BCL7A: variants seen among roughly 807,000 people sequenced by gnomAD.
The protein encoded by BCL7A is BAF chromatin remodeling complex subunit BCL7A, also known as B-cell CLL/lymphoma 7 protein family member A.
BCL7A carries 11 observed loss-of-function variants against 28.4 expected under a neutral mutation model. That is an observed-to-expected ratio of 0.39 (90% CI 0.24 to 0.64). The LOEUF is 0.64. Among genes scored for constraint, BCL7A ranks in the 30% least tolerant of loss-of-function variants. The pLI is 0.50. For missense variants in BCL7A, 222 were observed against 274.8 expected (o/e 0.81, Z 1.36); for synonymous variants, 123 against 103.3 (o/e 1.19, Z -1.15).
chr12:122,023,765 A>G (rs560625849), intron 1 of BCL7A, among the ~76,000 whole-genome samples: 3 of 152,242 alleles, frequency 2.0e-5, no homozygotes, highest in African/African-American at 4.8e-5. Context: ...CAACACACAC[A>G]CGCTGGAAAA....
At chr12:122,031,299 A>G (rs117655548) in intron 2 of BCL7A, among the ~76,000 whole-genome samples, 1,739 of 151,904 alleles carry the variant, frequency 0.011, 20 homozygotes, top group Middle Eastern at 0.02. Context: ...AAAGTGCTGG[A>G]GTTAAGGCGT....
rs575206680 is a variant in BCL7A, at chr12:122,026,420, G to C, written c.92+4237G>C. Among the ~76,000 whole-genome samples the C allele has an allele frequency of 2.6e-5, 4 of 152,228 alleles. No homozygotes were observed. The East Asian group carries it at 7.7e-4, about 29-fold the overall frequency. ...ATTGTGCCACTGTACTCTAGCCTGG[G>C]TGACAGGGTGAGACCTTGTCTCAAA... is the stretch of plus-strand genomic sequence containing the variant. On this transcript the variant is annotated intron_variant, in intron 1 of 5. Transcript: ENST00000261822.
chr12:122,030,234 C>T (rs1883712870), intron 1 of BCL7A, among the ~76,000 whole-genome samples: 1 of 152,222 alleles, frequency 6.6e-6, no homozygotes, highest in Non-Finnish European at 1.5e-5. Context: ...TCATGCCTCC[C>T]CTGACCTCAG....
At chr12:122,050,306 G>GT (rs1294848548) in intron 4 of BCL7A, among the ~76,000 whole-genome samples, 3 of 56,650 alleles carry the variant, frequency 5.3e-5, no homozygotes, top group African/African-American at 1.3e-4. Flanking sequence ...TGTGGGGGGG[G>GT]GGCCATCCTG....
intron 4 of BCL7A, among the ~76,000 whole-genome samples, chr12:122,045,925 C>A (rs1884067095): frequency 6.6e-6 from 1 of 151,570 alleles, no homozygotes; most frequent in Admixed American, 6.6e-5. Flanking sequence ...CCCGTCTCTA[C>A]AAAAAATATA....
chr12:122,023,415 G>C (rs1257835713), intron 1 of BCL7A, among the ~76,000 whole-genome samples: 1 of 152,126 alleles, frequency 6.6e-6, no homozygotes, highest in Non-Finnish European at 1.5e-5. Flanking sequence ...TTCTCGAGTA[G>C]CGCCTCGGTC....
intron 4 of BCL7A, among the ~76,000 whole-genome samples, chr12:122,049,526 A>G (rs1260943798): frequency 6.6e-6 from 1 of 152,050 alleles, no homozygotes; most frequent in Admixed American, 6.6e-5. Flanking sequence ...TACTAAAAAT[A>G]CAAAAAATAG....
intron 4 of BCL7A, among the ~76,000 whole-genome samples, chr12:122,054,113 T>C (rs1437594708): frequency 6.6e-6 from 1 of 152,140 alleles, no homozygotes; most frequent in Non-Finnish European, 1.5e-5. Context: ...GAGACGGAGT[T>C]TCGCTCTGTC....
chr12:122,030,209 C>T (rs1433335907), intron 1 of BCL7A, among the ~76,000 whole-genome samples: 1 of 152,218 alleles, frequency 6.6e-6, no homozygotes, highest in Admixed American at 6.5e-5. Context: ...GTGGGCGGCT[C>T]CCCGGCTTGC....
chr12:122,029,337 G>A lies in BCL7A; in HGVS notation c.93-1363G>A, dbSNP rs775271554. On this transcript the variant is annotated intron_variant, in intron 1 of 5. Transcript: ENST00000261822. The surrounding 1 kb of genome is among the most constrained non-coding windows in gnomAD (Gnocchi z 4.3). ...TCTGTGGTTTCGGCTGGCTGGGTTT[G>A]AGTATGCTCCGTCATCCCGCAACCC... 6.6e-6 allele frequency among the ~76,000 whole-genome samples: 1 copy of A among 152,230 alleles called. No individual in the cohort carries two copies. Among genetic ancestry groups the A allele is most frequent in the Admixed American group, 6.5e-5 (1 of 15,290 alleles).
At position 122,043,664 on chromosome 12, in the gene BCL7A, C is replaced by T. The variant is rs113470431; in HGVS notation, c.272-222C>T. ...GCAAGTACCTGTAATCCCAGCTACT[C>T]GGGAGGTGGAGGCAGTGAGCCAAGA... On this transcript the variant is annotated intron_variant, in intron 3 of 5. Coordinates refer to ENST00000261822, the MANE Select transcript of BCL7A (RefSeq NM_001024808.3). Among the ~76,000 whole-genome samples the T allele has an allele frequency of 1.3e-4, 19 of 149,650 alleles. No individual in the cohort carries two copies. In the East Asian group the frequency reaches 1.8e-3, roughly 14 times the overall value.
Position 122,034,180 on chromosome 12 carries a change from C to T in BCL7A, c.175-1151C>T, listed in dbSNP as rs1307001748. 1.0e-4 allele frequency among the ~76,000 whole-genome samples: 12 copies of T among 116,160 alleles called. 1 individual carries two copies. Among genetic ancestry groups the T allele is most frequent in the Non-Finnish European group, 2.1e-4 (12 of 56,468 alleles). The allele number at this position is 116,160 out of a possible 152,430, so 76.2% of individuals were successfully genotyped here. On this transcript the variant is annotated intron_variant, in intron 2 of 5. Transcript: ENST00000261822. ...CCACTGGTGGTGAGGCTCACGTATCCTGCATCTTTCATATATATATATATA... is the reference window on the plus strand; with the variant it reads ...CCACTGGTGGTGAGGCTCACGTATCTTGCATCTTTCATATATATATATATA...
chr12:122,023,143 G>T (rs1036392809), intron 1 of BCL7A, among the ~76,000 whole-genome samples: 5 of 152,218 alleles, frequency 3.3e-5, no homozygotes, highest in African/African-American at 2.4e-5. Flanking sequence ...CCTCGTCGGG[G>T]TCTGCTCGGA....
intron 1 of BCL7A, among the ~76,000 whole-genome samples, chr12:122,025,997 C>T (rs1394992193): frequency 6.7e-6 from 1 of 149,722 alleles, no homozygotes; most frequent in South Asian, 2.1e-4. Context: ...AGGCCGGGCA[C>T]GTTGGCTCAC....
chr12:122,043,846 G>A lies in BCL7A; in HGVS notation c.272-40G>A, dbSNP rs371657805. Reference sequence around the variant, plus strand: ...TCTGACCTACCCGTCCTTGGCAGCTGTGGGATTTCATCCTGTGGTTCTGTT... The same window carrying A: ...TCTGACCTACCCGTCCTTGGCAGCTATGGGATTTCATCCTGTGGTTCTGTT... On this transcript the variant is annotated intron_variant, in intron 3 of 5. Transcript: ENST00000261822. 9.0e-6 allele frequency: 14 copies of A among 1,562,930 alleles called. No individual in the cohort carries two copies. The African/African-American group carries it at 1.2e-4, about 14-fold the overall frequency.
At chr12:122,058,084 C>A (rs1406741676) in intron 5 of BCL7A, among the ~76,000 whole-genome samples, 2 of 151,988 alleles carry the variant, frequency 1.3e-5, no homozygotes, top group Non-Finnish European at 2.9e-5. Context: ...ATAGTCCCAG[C>A]TACTCAGGAG....
At chr12:122,035,483 A>C in intron 3 of BCL7A, 56 bp downstream of exon 3, 4 of 1,483,172 alleles carry the variant, frequency 2.7e-6, no homozygotes, top group East Asian at 2.3e-5. Context: ...TTGGCCAAGC[A>C]CTCGGTCATG....
rs939877368 is a variant in BCL7A, at chr12:122,029,212, C to G, written c.93-1488C>G. The stretch of plus-strand genomic sequence containing the variant: ...GGCACAGTCCTTGGTACATAGAAGG[C>G]GCTAGGAATGGCCACTGGTATAATA... On this transcript the variant is annotated intron_variant, in intron 1 of 5. Coordinates refer to ENST00000261822, the MANE Select transcript of BCL7A (RefSeq NM_001024808.3). The surrounding 1 kb of genome is among the most constrained non-coding windows in gnomAD (Gnocchi z 4.3). Among the ~76,000 whole-genome samples the G allele has an allele frequency of 1.4e-4, 22 of 152,250 alleles. No homozygotes were observed. Among genetic ancestry groups the G allele is most frequent in the African/African-American group, 5.3e-4 (22 of 41,540 alleles).
At chr12:122,025,311 C>T (rs1346813662) in intron 1 of BCL7A, among the ~76,000 whole-genome samples, 1 of 148,346 alleles carries the variant, frequency 6.7e-6, no homozygotes, top group African/African-American at 2.5e-5. Flanking sequence ...CAGCCTGGGT[C>T]TCAAACCAAA....
Sources: gnomAD v4.1 joint callset for allele counts (sites outside exome capture counted in the v4.1 genomes callset) on GRCh38, gnomAD v4.1.1 for gene constraint, Gnocchi (gnomAD v3.1) non-coding constraint, MANE v1.5 for transcripts, NCBI Gene and HGNC (gene_info 2026-07-23, HGNC 2026-07-21) for gene names.